The following DIAPH3 variants were observed in gnomAD, a reference collection of about 807,000 sequenced individuals.
DIAPH3 encodes protein diaphanous homolog 3.
A neutral mutation model predicts 144.3 loss-of-function variants in DIAPH3; 117 were observed. That is an observed-to-expected ratio of 0.81 (90% CI 0.70 to 0.95). The LOEUF (loss-of-function observed/expected upper bound fraction) is 0.95, where lower values mean the gene tolerates loss of function less well. Among genes scored for constraint, DIAPH3 ranks in the 40% least tolerant of loss-of-function variants. The pLI is 0.00. For missense variants in DIAPH3, 1,421 were observed against 1,412.7 expected, an observed-to-expected ratio of 1.01 and a Z score of -0.09; for synonymous variants, 519 against 488.9, an observed-to-expected ratio of 1.06 and a Z score of -0.81.
At chr13:60,035,253 GT>G (rs1438583480) in intron 5 of DIAPH3, among the ~76,000 whole-genome samples, 3 of 152,044 alleles carry the variant, frequency 2.0e-5, no homozygotes, top group Non-Finnish European at 4.4e-5. Flanking sequence ...TTTGTTTACT[GT>G]TAACCCTGTA....
intron 17 of DIAPH3, among the ~76,000 whole-genome samples, chr13:59,929,637 A>ACTGCAAC (rs1240566625): frequency 7.6e-6 from 1 of 130,934 alleles, no homozygotes; most frequent in Non-Finnish European, 1.5e-5. Flanking sequence ...ATCTCGGCTC[A>ACTGCAAC]CTGCAACCTC....
At chr13:59,846,266 C>G (rs2042626456) in intron 22 of DIAPH3, among the ~76,000 whole-genome samples, 1 of 151,888 alleles carries the variant, frequency 6.6e-6, no homozygotes, top group South Asian at 2.1e-4. Flanking sequence ...ATGAATATCT[C>G]CTGGAGGTGT....
intron 21 of DIAPH3, among the ~76,000 whole-genome samples, chr13:59,869,890 T>C (rs1329551649): frequency 6.6e-6 from 1 of 152,184 alleles, no homozygotes; most frequent in Non-Finnish European, 1.5e-5. Flanking sequence ...TAAAAGTCCT[T>C]TATCAGGTAT....
chr13:59,836,086 A>G (rs1182520882), intron 23 of DIAPH3, among the ~76,000 whole-genome samples: 5 of 151,856 alleles, frequency 3.3e-5, no homozygotes, highest in Non-Finnish European at 7.4e-5. Flanking sequence ...GAAATATATA[A>G]ATGTCTAGCA....
chr13:59,887,727 A>G (rs970982272), intron 20 of DIAPH3, among the ~76,000 whole-genome samples: 1 of 152,138 alleles, frequency 6.6e-6, no homozygotes, highest in Non-Finnish European at 1.5e-5. Context: ...GTTGGATGAT[A>G]GAAGTATCTT....
chr13:59,926,899 A>C (rs1184439775), intron 17 of DIAPH3, among the ~76,000 whole-genome samples: 1 of 152,160 alleles, frequency 6.6e-6, no homozygotes, highest in Non-Finnish European at 1.5e-5. Flanking sequence ...TTCTCCCTAG[A>C]TGGTCTGACA....
chr13:60,085,055 C>T (rs2057702555), intron 4 of DIAPH3, among the ~76,000 whole-genome samples: 1 of 151,986 alleles, frequency 6.6e-6, no homozygotes, highest in African/African-American at 2.4e-5. Context: ...AAGTTTAATG[C>T]CACCAACTAG....
intron 24 of DIAPH3, among the ~76,000 whole-genome samples, chr13:59,825,437 T>C (rs1382570055): frequency 1.4e-4 from 21 of 152,220 alleles, no homozygotes; most frequent in Non-Finnish European, 8.8e-5. Context: ...AGTCTATCAT[T>C]GTTGGACATT....
At chr13:60,083,047 C>T (rs923502672) in intron 4 of DIAPH3, among the ~76,000 whole-genome samples, 11 of 151,948 alleles carry the variant, frequency 7.2e-5, no homozygotes, top group Non-Finnish European at 1.3e-4. Context: ...TTTGAAATAT[C>T]GTTCCCCACC....
chr13:59,753,019 C>T (rs2037090419), intron 27 of DIAPH3, among the ~76,000 whole-genome samples: 1 of 152,106 alleles, frequency 6.6e-6, no homozygotes, highest in South Asian at 2.1e-4. Context: ...ATGAAAATTA[C>T]AAATATTTTA....
intron 25 of DIAPH3, among the ~76,000 whole-genome samples, chr13:59,778,400 T>A (rs1006636417): frequency 1.7e-4 from 26 of 152,236 alleles, no homozygotes; most frequent in Non-Finnish European, 2.9e-4. Context: ...AATGCGACTA[T>A]TATATAGAGA....
intron 22 of DIAPH3, among the ~76,000 whole-genome samples, chr13:59,848,087 C>T (rs2042752504): frequency 6.6e-6 from 1 of 152,120 alleles, no homozygotes; most frequent in Admixed American, 6.5e-5. Flanking sequence ...TACTTCTTAC[C>T]ACCCTCACTA....
intron 17 of DIAPH3, among the ~76,000 whole-genome samples, chr13:59,955,077 CAT>C (rs1459405294): frequency 4.8e-5 from 3 of 63,132 alleles, no homozygotes; most frequent in African/African-American, 2.2e-4. Flanking sequence ...TATATATATA[CAT>C]GTATATATAT....
chr13:59,671,310 A>G (rs982802255), intron 27 of DIAPH3, among the ~76,000 whole-genome samples: 2 of 152,244 alleles, frequency 1.3e-5, no homozygotes, highest in African/African-American at 4.8e-5. Context: ...GATGATACCT[A>G]GGACATATGG....
At chr13:59,987,753 C>T (rs2051515633) in intron 12 of DIAPH3, among the ~76,000 whole-genome samples, 1 of 149,794 alleles carries the variant, frequency 6.7e-6, no homozygotes. Flanking sequence ...AAAATGATGT[C>T]ACTCATCATT....
intron 27 of DIAPH3, among the ~76,000 whole-genome samples, chr13:59,773,341 C>A (rs1406316721): frequency 6.6e-6 from 1 of 152,170 alleles, no homozygotes; most frequent in Non-Finnish European, 1.5e-5. Context: ...GAAATTGGCA[C>A]AGGTTTTTCT....
At chr13:59,956,571 CT>C (rs2049418098) in intron 17 of DIAPH3, among the ~76,000 whole-genome samples, 1 of 152,246 alleles carries the variant, frequency 6.6e-6, no homozygotes, top group African/African-American at 2.4e-5. Context: ...GGGCAAAGCC[CT>C]CATGGAGAGC....
chr13:59,744,734 G>A (rs1343266659), intron 27 of DIAPH3, among the ~76,000 whole-genome samples: 5 of 152,164 alleles, frequency 3.3e-5, no homozygotes, highest in Non-Finnish European at 1.5e-5. Context: ...GCTTTCTTTG[G>A]CCAGGAGTGG....
At chr13:60,072,629 T>C (rs2057249869) in intron 4 of DIAPH3, among the ~76,000 whole-genome samples, 1 of 152,196 alleles carries the variant, frequency 6.6e-6, no homozygotes, top group South Asian at 2.1e-4. Context: ...TCATACTGCT[T>C]ACTATAAGTT....
Sources: allele counts gnomAD v4.1 joint callset (sites outside exome capture counted in the v4.1 genomes callset), GRCh38; gene constraint gnomAD v4.1.1; transcripts MANE v1.5; gene names NCBI Gene and HGNC (gene_info 2026-07-23, HGNC 2026-07-21).